The following POSTN variants were observed in gnomAD, a reference collection of about 807,000 sequenced individuals.
The protein encoded by POSTN is periostin.
A neutral mutation model predicts 104.5 loss-of-function variants in POSTN; 71 were observed. That is an observed-to-expected ratio of 0.68 (90% CI 0.56 to 0.83). The LOEUF (loss-of-function observed/expected upper bound fraction) is 0.83. Among genes scored for constraint, POSTN ranks in the 40% least tolerant of loss-of-function variants. The pLI is 0.00. For synonymous variants in POSTN, 355 were observed against 340.7 expected (o/e 1.04, Z -0.46); for missense variants, 949 against 1,006.8 (o/e 0.94, Z 0.78).
At chr13:37,594,227 C>T (rs1302942228) in intron 2 of POSTN, among the ~76,000 whole-genome samples, 1 of 151,970 alleles carries the variant, frequency 6.6e-6, no homozygotes, top group Non-Finnish European at 1.5e-5. Context: ...TACAAATGTG[C>T]TTAGTCCATA....
intron 17 of POSTN, among the ~76,000 whole-genome samples, chr13:37,573,399 AT>A (rs1007410469): frequency 2.0e-5 from 3 of 150,612 alleles, no homozygotes; most frequent in African/African-American, 4.8e-5. Flanking sequence ...TAATTATAGT[AT>A]TTTTTTCAAG....
rs1312904455 is a variant in POSTN, at chr13:37,582,924, A to T, written c.1244-410T>A. On this transcript the variant is annotated intron_variant, in intron 9 of 22. Transcript: ENST00000379747. ...TGATTACTGGAAAGAGAATCAAAGC[A>T]AACAACCTCTTAAATATGGGTTATT... 3.3e-5 allele frequency among the ~76,000 whole-genome samples: 5 copies of T among 152,214 alleles called. No individual in the cohort carries two copies. In the East Asian group the frequency reaches 7.7e-4, roughly 23 times the overall value.
At chr13:37,574,290 T>C (rs1950343214) in intron 17 of POSTN, among the ~76,000 whole-genome samples, 1 of 151,730 alleles carries the variant, frequency 6.6e-6, no homozygotes, top group Admixed American at 6.6e-5. Context: ...CTCATGTCTT[T>C]GTTTAGTGAG....
chr13:37,590,350 A>G, intron 4 of POSTN, 22 bp downstream of exon 4: 1 of 1,491,658 alleles, frequency 6.7e-7, no homozygotes, highest in Non-Finnish European at 9.0e-7. Context: ...AAATAAATAT[A>G]TTGATAAAAA....
chr13:37,569,662 G>A (rs1205163753), intron 20 of POSTN, 82 bp downstream of exon 20: 1 of 1,080,488 alleles, frequency 9.3e-7, no homozygotes, highest in Non-Finnish European at 1.4e-6. Context: ...AGATAGAGTA[G>A]AAAACATGTA....
intron 10 of POSTN, 88 bp downstream of exon 10, chr13:37,582,278 A>G (rs1051061631): frequency 7.1e-7 from 1 of 1,414,034 alleles, no homozygotes; most frequent in African/African-American, 1.4e-5. Flanking sequence ...TTAGAACCAC[A>G]CTCATAAAAT....
chr13:37,592,367 G>C (rs535461924), intron 2 of POSTN, among the ~76,000 whole-genome samples: 80 of 151,948 alleles, frequency 5.3e-4, no homozygotes, highest in Non-Finnish European at 3.5e-4. Flanking sequence ...GGCGCGATCT[G>C]GGTTCACTGC....
At chr13:37,563,760 G>T (rs933684227) in intron 22 of POSTN, among the ~76,000 whole-genome samples, 1 of 151,858 alleles carries the variant, frequency 6.6e-6, no homozygotes, top group African/African-American at 2.4e-5. Context: ...TTCACTACTA[G>T]TATCTAATTA....
chr13:37,571,911 T>A lies in POSTN; in HGVS notation c.2090-453A>T, dbSNP rs201478833. Among the ~76,000 whole-genome samples, 30 of 151,726 alleles carry A rather than the reference T, an allele frequency of 2.0e-4. No individual in the cohort carries two copies. The East Asian group carries it at 5.6e-3, about 28-fold the overall frequency. On this transcript the variant is annotated intron_variant, in intron 17 of 22. Transcript: ENST00000379747. ...TTTTAAAATCACTCAGTACCTTATA[T>A]TTTTGATCTAGTGGGTATAGGAGTG...
In POSTN at chr13:37,590,427, T is replaced by C. The variant is rs1950894012; in HGVS notation, c.386A>G (p.Lys129Arg). Residue 129 changes from lysine to arginine, a missense_variant, in exon 4 of 23, where the codon AAG (lysine) becomes AGG (arginine). Lys to Arg is a conservative substitution (Grantham distance 26). Transcript: ENST00000379747. ...CGGTGCAAAGTAAGTGAAGGATCCCTTTCCCTCGATCTCCTCCCTCAGTTT... is the reference window on the plus strand; with the variant it reads ...CGGTGCAAAGTAAGTGAAGGATCCCCTTCCCTCGATCTCCTCCCTCAGTTT... ...ASKLREEIEG[K>R]GSFTYFAPSN... 6.2e-7 allele frequency: 1 copy of C among 1,611,462 alleles called. No individual in the cohort carries two copies. The highest frequency in any genetic ancestry group is 8.5e-7 in the Non-Finnish European group (1 of 1,178,632).
At chr13:37,593,143 T>C (rs1950992091) in intron 2 of POSTN, among the ~76,000 whole-genome samples, 1 of 151,326 alleles carries the variant, frequency 6.6e-6, no homozygotes, top group Non-Finnish European at 1.5e-5. Context: ...TGTGTTAAGT[T>C]CTATAGGCAA....
chr13:37,568,103 G>A, intron 21 of POSTN, among the ~76,000 whole-genome samples: 1 of 151,954 alleles, frequency 6.6e-6, no homozygotes, highest in East Asian at 1.9e-4. Flanking sequence ...GAGCATTTAG[G>A]GGTAGATAGT....
At chr13:37,572,656 G>GTAC (rs1489937411) in intron 17 of POSTN, among the ~76,000 whole-genome samples, 5 of 151,556 alleles carry the variant, frequency 3.3e-5, no homozygotes, top group African/African-American at 9.7e-5. Context: ...ACCTCAGAAA[G>GTAC]TACCCAGCAG....
chr13:37,583,556 C>A (rs1302295687), intron 9 of POSTN, among the ~76,000 whole-genome samples: 1 of 149,752 alleles, frequency 6.7e-6, no homozygotes, highest in Non-Finnish European at 1.5e-5. Flanking sequence ...TCCCGAGTAG[C>A]TGGGATTACA....
chr13:37,572,774 G>A (rs1042471929), intron 17 of POSTN, among the ~76,000 whole-genome samples: 3 of 151,550 alleles, frequency 2.0e-5, no homozygotes, highest in African/African-American at 4.8e-5. Context: ...ATTGTGTCCT[G>A]GAGTTTAATT....
intron 4 of POSTN, among the ~76,000 whole-genome samples, chr13:37,590,069 A>T (rs1168379590): frequency 6.6e-6 from 1 of 152,176 alleles, no homozygotes; most frequent in African/African-American, 2.4e-5. Flanking sequence ...CTGAAATTAC[A>T]TACATATCCT....
intron 10 of POSTN, 42 bp downstream of exon 10, chr13:37,582,324 A>T (rs568840886): frequency 1.3e-6 from 2 of 1,559,974 alleles, no homozygotes; most frequent in South Asian, 2.4e-5. Flanking sequence ...ATTATTTGAC[A>T]TGTCATTTGA....
chr13:37,582,540 G>T lies in POSTN; in HGVS notation c.1244-26C>A, dbSNP rs768673766. The T allele has an allele frequency of 1.9e-6, 3 of 1,563,752 alleles. No individual in the cohort carries two copies. The East Asian group carries it at 6.8e-5, about 35-fold the overall frequency. ...CTGTAAATAAATTCATTAAGAAAGAGCATTATTTTATTTAGAAAACATTGA... is the reference window on the plus strand; with the variant it reads ...CTGTAAATAAATTCATTAAGAAAGATCATTATTTTATTTAGAAAACATTGA... On this transcript the variant is annotated intron_variant, in intron 9 of 22. Coordinates refer to ENST00000379747, the MANE Select transcript of POSTN (RefSeq NM_006475.3).
chr13:37,564,532 G>C lies in POSTN; in HGVS notation c.2460C>G (p.Asn820Lys), dbSNP rs1299419481. The C allele has an allele frequency of 6.3e-7, 1 of 1,599,654 alleles. No homozygotes were observed. Among genetic ancestry groups the C allele is most frequent in the South Asian group, 1.1e-5 (1 of 89,846 alleles). ...CAATACACTTACCTTGAACTTTTTT[G>C]TTGGCTTGCAACTTCCTCACGGGTG... ...GDTPVRKLQA[N>K]KKVQGSRRRL... Residue 820 changes from asparagine (N) to lysine (K), a missense_variant, in exon 22 of 23, where the codon AAC (asparagine) becomes AAG (lysine). By Grantham distance (94) the Asn-to-Lys change is moderately conservative. Coordinates refer to ENST00000379747, the MANE Select transcript of POSTN (RefSeq NM_006475.3).
Sources: allele counts gnomAD v4.1 joint callset (sites outside exome capture counted in the v4.1 genomes callset), GRCh38; gene constraint gnomAD v4.1.1; transcripts MANE v1.5; gene names NCBI Gene and HGNC (gene_info 2026-07-23, HGNC 2026-07-21).